The following NCAPG2 variants were observed in gnomAD, a reference collection of about 807,000 sequenced individuals.
NCAPG2 encodes non-SMC condensin II complex subunit G2, also known as condensin-2 complex subunit G2.
NCAPG2 carries 53 observed loss-of-function variants against 141.1 expected under a neutral mutation model. The ratio of observed to expected loss-of-function variants is 0.38; its 90% CI spans 0.30 to 0.47. The LOEUF (loss-of-function observed/expected upper bound fraction) is 0.47. Among genes scored for constraint, NCAPG2 ranks in the 20% least tolerant of loss-of-function variants. NCAPG2 has a pLI of 0.99. For synonymous variants in NCAPG2, 499 were observed against 490.7 expected (o/e 1.02, Z -0.22); for missense variants, 1,087 against 1,389.0 (o/e 0.78, Z 3.46).
rs550354576 is a variant in NCAPG2 at position 158,634,872 on chromosome 7, A to G, written c.3381-3155T>C. Among the ~76,000 whole-genome samples, 24 of 152,382 alleles carry G rather than the reference A, an allele frequency of 1.6e-4. No homozygotes were observed. The South Asian group carries it at 4.1e-3, about 26-fold the overall frequency. On this transcript the variant is annotated intron_variant, in intron 27 of 27. Coordinates refer to ENST00000356309, the MANE Select transcript of NCAPG2 (RefSeq NM_017760.7). ...GAAGAAAACAAAATGAAGGAATTTT[A>G]AAGTTGGAAGGGACAGTGACAAAAA...
chr7:158,692,770 TA>T, intron 4 of NCAPG2, 71 bp downstream of exon 4: 1 of 988,844 alleles, frequency 1.0e-6, no homozygotes, highest in Non-Finnish European at 1.6e-6. Context: ...AATGAATAAA[TA>T]AAAACAGAAA....
At chr7:158,651,942 G>A (rs1869362) in intron 23 of NCAPG2, among the ~76,000 whole-genome samples, 25,578 of 152,142 alleles carry the variant, frequency 0.17, 2,852 homozygotes, top group East Asian at 0.39. Context: ...ACAATTATGC[G>A]CTCAGAACCC....
chr7:158,652,609 A>T (rs1831569400), intron 22 of NCAPG2, 129 bp from the exon 23 acceptor site: 1 of 765,260 alleles, frequency 1.3e-6, no homozygotes, highest in African/African-American at 1.8e-5. Flanking sequence ...GTATTTGGTG[A>T]GCCAATACCA....
In NCAPG2 at chr7:158,693,399, T is replaced by C. The variant is rs1835249777; in HGVS notation, c.177A>G (p.Thr59=). ...CCACTGGGCTTTCTAACAACACATC[T>C]GTCAATAAATTCTTCAGCCTTTGCC... ...ELWQRLKNLL[T]DVLLESPVDG... The change falls in exon 3 of 28, where the codon ACA becomes ACG. Residue 59 remains threonine (T), a synonymous_variant. Transcript: ENST00000356309. The C allele has an allele frequency of 6.2e-7, 1 of 1,614,032 alleles. No homozygotes were observed. Among genetic ancestry groups the C allele is most frequent in the South Asian group, 1.1e-5 (1 of 91,092 alleles).
chr7:158,657,543 C>T (rs1832082474), intron 17 of NCAPG2, among the ~76,000 whole-genome samples: 1 of 152,208 alleles, frequency 6.6e-6, no homozygotes, highest in African/African-American at 2.4e-5. Context: ...GGGTCAGCCC[C>T]CCACCCGGCC....
At chr7:158,674,106 A>G (rs1833910749) in intron 12 of NCAPG2, among the ~76,000 whole-genome samples, 2 of 152,198 alleles carry the variant, frequency 1.3e-5, no homozygotes, top group South Asian at 4.1e-4. Flanking sequence ...CTGCAGAGCA[A>G]CAGGCATGAG....
rs1831966722 is a variant in NCAPG2 at position 158,656,276 on chromosome 7, G to A, written c.2372C>T (p.Ala791Val). The A allele has an allele frequency of 1.2e-6, 2 of 1,614,000 alleles. No individual in the cohort carries two copies. The highest frequency in any genetic ancestry group is 2.7e-5 in the African/African-American group (2 of 74,900). ...CAGAGTTACCTTTGACGTTTCAAGG[G>A]CTTTCAAAAGATGGTTAAGTTTCTT... ...PRKKLNHLLK[A>V]LETSKADLES... The change falls in exon 19 of 28, where the codon GCC (alanine) becomes GTC (valine). Residue 791 changes from alanine (A) to valine (V), a missense_variant. Physicochemically the swap from Ala to Val is moderately conservative, Grantham distance 64 (BLOSUM62 0). Transcript: ENST00000356309.
At chr7:158,640,052 C>CAAAAAA (rs58368997) in intron 27 of NCAPG2, 31 of 98,274 alleles carry the variant, frequency 3.2e-4, no homozygotes, top group African/African-American at 8.6e-4. Flanking sequence ...GAATAAATGC[C>CAAAAAA]AAAAAAAAAA....
At chr7:158,632,094 T>A (rs917343339) in intron 27 of NCAPG2, among the ~76,000 whole-genome samples, 6 of 152,234 alleles carry the variant, frequency 3.9e-5, no homozygotes, top group African/African-American at 1.4e-4. Flanking sequence ...ATAAAAACTA[T>A]GTGACCTACC....
At chr7:158,679,590 A>T (rs1398649505) in intron 11 of NCAPG2, among the ~76,000 whole-genome samples, 2 of 152,158 alleles carry the variant, frequency 1.3e-5, no homozygotes, top group East Asian at 3.8e-4. Context: ...CATACCTATT[A>T]AGTGAGAGTG....
intron 27 of NCAPG2, among the ~76,000 whole-genome samples, chr7:158,635,121 T>C (rs1270008387): frequency 6.6e-6 from 1 of 152,152 alleles, no homozygotes; most frequent in African/African-American, 2.4e-5. Context: ...AACCGTAAGA[T>C]AAAAAGACAG....
In NCAPG2 at chr7:158,658,400, G is replaced by A. The variant is rs948834191; in HGVS notation, c.1998C>T (p.Arg666=). Residue 666 remains arginine, a synonymous_variant, in exon 17 of 28, where the codon CGC becomes CGT. Coordinates refer to ENST00000356309, the MANE Select transcript of NCAPG2 (RefSeq NM_017760.7). Reference sequence around the variant, plus strand: ...TTAGCATGAATAAAGGGATCTTGCAGCGATCATCCTAAAAGCGAAAAAAGA... The same window carrying A: ...TTAGCATGAATAAAGGGATCTTGCAACGATCATCCTAAAAGCGAAAAAAGA... ...PEYLKVFKDD[R]CKIPLFMLMS... is the part of the protein sequence containing the mutation. 1.2e-6 allele frequency: 2 copies of A among 1,610,474 alleles called. No homozygotes were observed. Among genetic ancestry groups the A allele is most frequent in the Non-Finnish European group, 1.7e-6 (2 of 1,178,074 alleles).
At chr7:158,660,979 G>A (rs756431659) in intron 16 of NCAPG2, among the ~76,000 whole-genome samples, 6 of 152,084 alleles carry the variant, frequency 3.9e-5, no homozygotes, top group South Asian at 4.1e-4. Flanking sequence ...TTTGCCTTCC[G>A]TCATGACTGT....
At chr7:158,651,040 C>T (rs1165469546) in intron 23 of NCAPG2, 68 bp from the exon 24 acceptor site, 3 of 1,459,706 alleles carry the variant, frequency 2.1e-6, no homozygotes, top group East Asian at 5.0e-5. Context: ...CAAAAAAACA[C>T]TTTAAAATAA....
intron 2 of NCAPG2, among the ~76,000 whole-genome samples, chr7:158,700,343 G>A (rs1003095546): frequency 5.9e-5 from 9 of 152,316 alleles, no homozygotes; most frequent in African/African-American, 9.6e-5. Flanking sequence ...GGCACACAAC[G>A]GGTGGCTGGA....
chr7:158,703,139 G>A (rs1587326104), intron 1 of NCAPG2, among the ~76,000 whole-genome samples: 1 of 152,148 alleles, frequency 6.6e-6, no homozygotes, highest in South Asian at 2.1e-4. Flanking sequence ...ACTCTGTGAT[G>A]TTCATGCAAT....
In NCAPG2 at chr7:158,668,299, CT is replaced by C. The variant is rs1833396439; in HGVS notation, c.1479+3214del. 3 of 927,284 alleles carry C rather than the reference CT, an allele frequency of 3.2e-6. 1 individual carries two copies. The highest frequency in any genetic ancestry group is 2.0e-5 in the African/African-American group (1 of 48,836). The allele number at this position is 927,284 out of a possible 1,614,324, so 57.4% of individuals were successfully genotyped here. On this transcript the variant is annotated intron_variant, in intron 13 of 27. Coordinates refer to ENST00000356309, the MANE Select transcript of NCAPG2 (RefSeq NM_017760.7). Reference sequence around the variant, plus strand: ...CTTACCTACCTTGTGTCCCTAGGCCCTCCCTTACCCACTACTGGGTCCCTCC... The same window carrying C: ...CTTACCTACCTTGTGTCCCTAGGCCCCCCTTACCCACTACTGGGTCCCTCC...
At chr7:158,691,968 T>A (rs1338933583) in intron 4 of NCAPG2, among the ~76,000 whole-genome samples, 1 of 152,228 alleles carries the variant, frequency 6.6e-6, no homozygotes, top group Non-Finnish European at 1.5e-5. Flanking sequence ...AGTTGCTGAG[T>A]ACTGCCCATC....
chr7:158,656,139 C>A, intron 19 of NCAPG2, 121 bp downstream of exon 19: 1 of 1,272,956 alleles, frequency 7.9e-7, no homozygotes, highest in East Asian at 2.4e-5. Context: ...GTGACATGAT[C>A]ACTCTCAATT....
Sources: gnomAD v4.1 joint callset for allele counts (sites outside exome capture counted in the v4.1 genomes callset) on GRCh38, gnomAD v4.1.1 for gene constraint, MANE v1.5 for transcripts, NCBI Gene and HGNC (gene_info 2026-07-23, HGNC 2026-07-21) for gene names.